Variants in ABCC1 observed in about 807,000 individuals in gnomAD.
ABCC1 encodes ATP binding cassette subfamily C member 1 (ABCC1 blood group).
ABCC1 carries 83 observed loss-of-function variants against 172.9 expected under a neutral mutation model. That is an observed-to-expected ratio of 0.48 (90% confidence interval 0.40 to 0.58). The LOEUF (loss-of-function observed/expected upper bound fraction) is 0.58. ABCC1 is among the 20% of genes least tolerant of loss of function. ABCC1 has a pLI of 0.00. For synonymous variants in ABCC1, 937 were observed against 825.2 expected (o/e 1.14, Z -2.32); for missense variants, 1,817 against 2,002.7 (o/e 0.91, Z 1.77).
intron 20 of ABCC1, among the ~76,000 whole-genome samples, chr16:16,104,157 G>A (rs1033346358): frequency 6.6e-6 from 1 of 152,130 alleles, no homozygotes; most frequent in Non-Finnish European, 1.5e-5. Context: ...CCCAAACACT[G>A]AGCAGCAGAA....
intron 19 of ABCC1, chr16:16,098,368 T>G (rs888282415): frequency 5.1e-6 from 1 of 196,080 alleles, no homozygotes; most frequent in African/African-American, 2.3e-5. Flanking sequence ...CCTGTAATCC[T>G]AGCACTTTGG....
chr16:16,038,477 A>T (rs1456667204), intron 7 of ABCC1, among the ~76,000 whole-genome samples: 1 of 152,134 alleles, frequency 6.6e-6, no homozygotes, highest in Admixed American at 6.6e-5. Context: ...CTGGCTGCAG[A>T]AGAGAGAGTG....
At chr16:16,038,293 C>G (rs559425541) in intron 7 of ABCC1, among the ~76,000 whole-genome samples, 1 of 152,232 alleles carries the variant, frequency 6.6e-6, no homozygotes, top group Admixed American at 6.5e-5. Context: ...ACCTGGAGAA[C>G]CCAGGAAGCT....
chr16:16,028,001 A>G (rs926704262), intron 5 of ABCC1, among the ~76,000 whole-genome samples: 1 of 152,110 alleles, frequency 6.6e-6, no homozygotes, highest in South Asian at 2.1e-4. Flanking sequence ...AACTGACCCA[A>G]GGTCCCACAG....
intron 1 of ABCC1, among the ~76,000 whole-genome samples, chr16:16,004,489 A>G (rs1341086463): frequency 6.6e-6 from 1 of 152,146 alleles, no homozygotes. Context: ...ATCAATTAAA[A>G]TAATCAGTCT....
At chr16:16,011,884 G>C (rs772070727) in intron 3 of ABCC1, among the ~76,000 whole-genome samples, 47 of 152,022 alleles carry the variant, frequency 3.1e-4, no homozygotes, top group African/African-American at 1.1e-3. Flanking sequence ...GGCCAGGCTG[G>C]TCTCGAACTC....
intron 12 of ABCC1, among the ~76,000 whole-genome samples, chr16:16,063,315 C>G (rs747116487): frequency 2.4e-4 from 36 of 152,052 alleles, no homozygotes; most frequent in Non-Finnish European, 4.7e-4. Context: ...ACCATGTTGG[C>G]CAGGCTGGTC....
intron 1 of ABCC1, among the ~76,000 whole-genome samples, chr16:15,975,767 G>A (rs935951992): frequency 1.3e-5 from 2 of 151,746 alleles, no homozygotes; most frequent in Non-Finnish European, 2.9e-5. Context: ...TGTTGGTAAA[G>A]CTGGTCTGGA....
At position 16,033,186 on chromosome 16, in the gene ABCC1, C is replaced by T. The variant is rs1379575660; in HGVS notation, c.677+16C>T. ...GGATCACAGGGTAAGGCCAGGCCCC[C>T]CAGACCTCAGGGAGGTGGTGGGGAG... On this transcript the variant is annotated intron_variant, in intron 6 of 30. Coordinates refer to ENST00000399410, the MANE Select transcript of ABCC1 (RefSeq NM_004996.4). 2 of 1,612,650 alleles carry T rather than the reference C, an allele frequency of 1.2e-6. No homozygotes were observed. Among genetic ancestry groups the T allele is most frequent in the East Asian group, 2.2e-5 (1 of 44,890 alleles).
At chr16:16,083,172 C>T (rs1265172585) in intron 16 of ABCC1, among the ~76,000 whole-genome samples, 194 bp from the exon 17 acceptor site, 1 of 152,170 alleles carries the variant, frequency 6.6e-6, no homozygotes, top group African/African-American at 2.4e-5. Flanking sequence ...AGTGATTCAC[C>T]TGCTGTGGGT....
At chr16:16,112,095 G>A (rs1055048594) in intron 22 of ABCC1, among the ~76,000 whole-genome samples, 2 of 152,160 alleles carry the variant, frequency 1.3e-5, no homozygotes, top group African/African-American at 4.8e-5. Context: ...GCTCACACCT[G>A]TAATCCCACA....
At chr16:15,986,126 G>C (rs1486132335) in intron 1 of ABCC1, among the ~76,000 whole-genome samples, 1 of 152,046 alleles carries the variant, frequency 6.6e-6, no homozygotes, top group African/African-American at 2.4e-5. Context: ...GTAGAGACGG[G>C]GTTTCACCAT....
At chr16:15,956,363 T>TA (rs534755907) in intron 1 of ABCC1, among the ~76,000 whole-genome samples, 2,015 of 144,006 alleles carry the variant, frequency 0.014, 35 homozygotes, top group South Asian at 0.055. Flanking sequence ...AGACTCTGTC[T>TA]AAAAAAAAAA....
chr16:15,967,470 C>A (rs2046268714), intron 1 of ABCC1, among the ~76,000 whole-genome samples: 1 of 151,822 alleles, frequency 6.6e-6, no homozygotes, highest in South Asian at 2.1e-4. Flanking sequence ...TTGGACTGGG[C>A]ACTGTTGCTG....
At chr16:16,064,568 C>T (rs908244506) in intron 12 of ABCC1, among the ~76,000 whole-genome samples, 4 of 152,336 alleles carry the variant, frequency 2.6e-5, no homozygotes, top group Admixed American at 2.0e-4. Context: ...CAGCCGGCAT[C>T]GATTGGTACT....
At chr16:16,111,934 G>A (rs893633240) in intron 22 of ABCC1, among the ~76,000 whole-genome samples, 1 of 152,158 alleles carries the variant, frequency 6.6e-6, no homozygotes, top group African/African-American at 2.4e-5. Flanking sequence ...CTCATTTGCG[G>A]ACTTTTGCCT....
intron 7 of ABCC1, among the ~76,000 whole-genome samples, chr16:16,037,642 T>C (rs1456873464): frequency 6.6e-6 from 1 of 152,128 alleles, no homozygotes; most frequent in East Asian, 1.9e-4. Flanking sequence ...CTGGGGTAAG[T>C]TTACTACGAT....
At position 16,106,597 on chromosome 16, in the gene ABCC1, T is replaced by C. The variant is rs2152072684; in HGVS notation, c.2736-141T>C. 21 of 920,986 alleles carry C rather than the reference T, an allele frequency of 2.3e-5. No homozygotes were observed. The South Asian group carries it at 3.5e-4, about 15-fold the overall frequency. 57.1% of individuals were successfully genotyped at this position (920,986 alleles called of 1,614,324 possible). ...GTGGGGTGTGGTGCATATATTCATA[T>C]ATATGTTTACATGTGTGCATGTGGA... On this transcript the variant is annotated intron_variant, in intron 20 of 30. Transcript: ENST00000399410.
At chr16:15,955,713 C>A (rs1394521348) in intron 1 of ABCC1, among the ~76,000 whole-genome samples, 1 of 152,110 alleles carries the variant, frequency 6.6e-6, no homozygotes, top group African/African-American at 2.4e-5. Context: ...ACTAGCAAAT[C>A]TCTGTCCCCC....
Sources: gnomAD v4.1 joint callset for allele counts (sites outside exome capture counted in the v4.1 genomes callset) on GRCh38, gnomAD v4.1.1 for gene constraint, MANE v1.5 for transcripts, NCBI Gene and HGNC (gene_info 2026-07-23, HGNC 2026-07-21) for gene names.